Variants in WDPCP observed in about 807,000 individuals in gnomAD.
WDPCP encodes WD repeat-containing and planar cell polarity effector protein fritz homolog.
A neutral mutation model predicts 93.1 loss-of-function variants in WDPCP; 71 were observed. The observed-to-expected ratio is 0.76, with a 90% CI of 0.63 to 0.93. The LOEUF (loss-of-function observed/expected upper bound fraction) is 0.93. WDPCP is among the 40% of genes least tolerant of loss of function. The pLI is 0.00. For synonymous variants in WDPCP, 315 were observed against 315.0 expected, an observed-to-expected ratio of 1.00 and a Z score of 0.00; for missense variants, 844 against 887.4, an observed-to-expected ratio of 0.95 and a Z score of 0.62.
chr2:63,203,132 T>C (rs1356755662), intron 14 of WDPCP, among the ~76,000 whole-genome samples: 2 of 152,174 alleles, frequency 1.3e-5, no homozygotes, highest in African/African-American at 2.4e-5. Flanking sequence ...AGTTGCTTTA[T>C]ATAATACCCT....
chr2:63,586,692 C>T (rs1221400964), intron 1 of WDPCP, among the ~76,000 whole-genome samples: 1 of 152,180 alleles, frequency 6.6e-6, no homozygotes, highest in Non-Finnish European at 1.5e-5. Context: ...GAACAAGGCC[C>T]GTGAACTACC....
At chr2:63,665,495 A>C (rs262522) in intron 2 of WDPCP, among the ~76,000 whole-genome samples, 152,309 of 152,310 alleles carry the variant, frequency 1, 76,154 homozygotes, top group Non-Finnish European at 1. Flanking sequence ...AGTATGACCT[A>C]ATCATAACTA....
chr2:63,519,669 C>A (rs1487174601), intron 1 of WDPCP, among the ~76,000 whole-genome samples: 1 of 152,022 alleles, frequency 6.6e-6, no homozygotes, highest in African/African-American at 2.4e-5. Context: ...CAGAAGTCAA[C>A]TGAACCCACC....
At chr2:63,571,461 T>G in intron 1 of WDPCP, 1 of 468,072 alleles carries the variant, frequency 2.1e-6, no homozygotes, top group South Asian at 1.6e-5. Context: ...TAGCATTTCT[T>G]GCAGTGAAGG....
In WDPCP at chr2:63,605,174, A is replaced by C; in HGVS notation, n.488+45485T>G. 4.0e-6 allele frequency: 3 copies of C among 749,666 alleles called. No homozygotes were observed. The South Asian group carries it at 5.4e-5, about 13-fold the overall frequency. The allele number at this position is 749,666 out of a possible 1,614,324, so 46.4% of individuals were successfully genotyped here. A position where few individuals can be genotyped will look rare whatever the true frequency, so the allele number is the denominator to read the frequency against. On this transcript the variant is annotated intron_variant and non_coding_transcript_variant, in intron 3 of 4. Transcript: ENST00000467687. The stretch of plus-strand genomic sequence containing the variant: ...TGTTGCATGATTTTGGAGGGGAAAC[A>C]TTAAGCTCTGGTCATAGCTTTTCAC...
chr2:63,250,025 G>A (rs1193115841), intron 14 of WDPCP, among the ~76,000 whole-genome samples: 5 of 152,070 alleles, frequency 3.3e-5, no homozygotes, highest in Admixed American at 6.6e-5. Flanking sequence ...AGCAAGCTCC[G>A]CATATGATAT....
intron 2 of WDPCP, among the ~76,000 whole-genome samples, chr2:63,722,019 G>C (rs1324141904): frequency 2.0e-5 from 3 of 150,580 alleles, no homozygotes; most frequent in Non-Finnish European, 4.4e-5. Context: ...ACGGAGTCTC[G>C]TTCACTCAGT....
intron 9 of WDPCP, among the ~76,000 whole-genome samples, chr2:63,406,505 C>G (rs1694597890): frequency 6.6e-6 from 1 of 152,160 alleles, no homozygotes; most frequent in African/African-American, 2.4e-5. Context: ...CATTTCCCTC[C>G]TATCACAAGG....
intron 3 of WDPCP, chr2:63,622,436 G>C (rs1003084623): frequency 9.7e-5 from 157 of 1,613,842 alleles, no homozygotes; most frequent in Non-Finnish European, 1.3e-4. Flanking sequence ...AGCTAGAGGA[G>C]ACCCAGGCTT....
chr2:63,560,626 T>A (rs1473830704), intron 1 of WDPCP, among the ~76,000 whole-genome samples: 1 of 152,178 alleles, frequency 6.6e-6, no homozygotes, highest in African/African-American at 2.4e-5. Context: ...ATGTGGCACA[T>A]ATACACCATG....
At chr2:63,159,165 CTTTTTTT>C (rs535671874) in intron 15 of WDPCP, among the ~76,000 whole-genome samples, 1 of 124,384 alleles carries the variant, frequency 8.0e-6, no homozygotes, top group Non-Finnish European at 1.7e-5. Flanking sequence ...CAAAAAAAAA[CTTTTTTT>C]TTTTTTTTGG....
intron 11 of WDPCP, 137 bp from the exon 12 acceptor site, chr2:63,378,646 A>T: frequency 5.0e-6 from 6 of 1,206,704 alleles, no homozygotes; most frequent in Non-Finnish European, 6.0e-6. Flanking sequence ...TAAAATTAAA[A>T]TATGACAGCT....
At chr2:63,732,842 G>T (rs1669580522) in intron 2 of WDPCP, among the ~76,000 whole-genome samples, 5 of 152,200 alleles carry the variant, frequency 3.3e-5, no homozygotes, top group Admixed American at 2.0e-4. Flanking sequence ...AAGGGTGAAT[G>T]ATGAAGAGTA....
chr2:63,830,313 A>G (rs1317331721), upstream of WDPCP, among the ~76,000 whole-genome samples: 1 of 152,072 alleles, frequency 6.6e-6, no homozygotes, highest in Non-Finnish European at 1.5e-5. Context: ...CTGAGATCTC[A>G]TTACTGGGAT....
intron 6 of WDPCP, among the ~76,000 whole-genome samples, chr2:63,473,519 G>C (rs759132075): frequency 2.6e-5 from 4 of 151,952 alleles, no homozygotes; most frequent in East Asian, 1.9e-4. Flanking sequence ...CCCAATATTT[G>C]TGCCTTTCTG....
intron 2 of WDPCP, among the ~76,000 whole-genome samples, chr2:63,703,831 G>C (rs1319359627): frequency 6.6e-6 from 1 of 152,070 alleles, no homozygotes. Context: ...TTCCCATTCT[G>C]TGAAGAAAGT....
intron 2 of WDPCP, among the ~76,000 whole-genome samples, chr2:63,725,539 T>C (rs1669485058): frequency 6.6e-6 from 1 of 152,248 alleles, no homozygotes; most frequent in South Asian, 2.1e-4. Context: ...TAGAATGATT[T>C]ATATTCCTTT....
In WDPCP at chr2:63,491,443, T is replaced by A. The variant is rs188042133; in HGVS notation, c.160+1413A>T. ...GGACTGGGGTATTTCACCAAAGGACTCCCTCAAACGTCTATATACTAGGTC... is the reference window on the plus strand; with the variant it reads ...GGACTGGGGTATTTCACCAAAGGACACCCTCAAACGTCTATATACTAGGTC... On this transcript the variant is annotated intron_variant, in intron 2 of 17. Coordinates refer to ENST00000272321, the MANE Select transcript of WDPCP (RefSeq NM_015910.7). Among the ~76,000 whole-genome samples, 43 of 152,274 alleles carry A rather than the reference T, an allele frequency of 2.8e-4. No homozygotes were observed. In the East Asian group the frequency reaches 8.1e-3, roughly 29 times the overall value.
intron 2 of WDPCP, among the ~76,000 whole-genome samples, chr2:63,808,489 G>A (rs537846426): frequency 3.7e-4 from 56 of 152,306 alleles, no homozygotes; most frequent in African/African-American, 1.3e-3. Flanking sequence ...TTGCGGGCAC[G>A]CGCTGCCACG....
Sources: allele counts gnomAD v4.1 joint callset (sites outside exome capture counted in the v4.1 genomes callset), GRCh38; gene constraint gnomAD v4.1.1; transcripts MANE v1.5; gene names NCBI Gene and HGNC (gene_info 2026-07-23, HGNC 2026-07-21).